HEATR5A: variants seen among roughly 807,000 people sequenced by gnomAD.
HEATR5A encodes HEAT repeat containing 5A.
HEATR5A carries 178 observed loss-of-function variants against 218.8 expected under a neutral mutation model. The observed-to-expected ratio is 0.81, with a 90% confidence interval of 0.72 to 0.92. HEATR5A has a LOEUF of 0.92. Ranked by LOEUF, HEATR5A falls within the 40% of genes least tolerant of loss-of-function variation. HEATR5A has a pLI of 0.00. For synonymous variants in HEATR5A, 864 were observed against 871.6 expected (o/e 0.99, Z 0.15); for missense variants, 2,420 against 2,418.9 (o/e 1.00, Z -0.01).
intron 34 of HEATR5A, among the ~76,000 whole-genome samples, chr14:31,294,967 C>CA (rs1379204258): frequency 5.9e-5 from 9 of 151,850 alleles, no homozygotes; most frequent in South Asian, 2.1e-4. Context: ...ACAGGACAGA[C>CA]GATAAAAGGA....
intron 1 of HEATR5A, among the ~76,000 whole-genome samples, chr14:31,408,002 C>T (rs1345153593): frequency 6.6e-6 from 1 of 152,164 alleles, no homozygotes; most frequent in Non-Finnish European, 1.5e-5. Flanking sequence ...TATGTGCTTA[C>T]CCTAAAGCCA....
chr14:31,335,509 C>T (rs577995329), intron 22 of HEATR5A, among the ~76,000 whole-genome samples: 11 of 152,034 alleles, frequency 7.2e-5, no homozygotes, highest in Admixed American at 5.2e-4. Context: ...ATTTTAATGT[C>T]CTGAGAATAA....
In HEATR5A at chr14:31,293,431, T is replaced by C. The variant is rs767607114; in HGVS notation, c.6015A>G (p.Leu2005=). 2 of 1,614,008 alleles carry C rather than the reference T, an allele frequency of 1.2e-6. No homozygotes were observed. Among genetic ancestry groups the C allele is most frequent in the Non-Finnish European group, 1.7e-6 (2 of 1,179,864 alleles). The part of the protein sequence containing the change: ...FKSLVASSPA[L]KARLEAAIKG... ...TTATAGCAGCCTCAAGGCGGGCTTT[T>C]AGGGCTGGAGAAGAAGCCACTAAAC... Residue 2005 remains leucine, a synonymous_variant, in exon 36 of 36, where the codon CTA becomes CTG. Coordinates refer to ENST00000543095, the MANE Select transcript of HEATR5A (RefSeq NM_015473.4).
At chr14:31,332,715 C>A (rs1029770304) in intron 22 of HEATR5A, among the ~76,000 whole-genome samples, 6 of 152,022 alleles carry the variant, frequency 3.9e-5, no homozygotes, top group Non-Finnish European at 5.9e-5. Context: ...AAGTTCAAAT[C>A]AGGCTCAGGC....
At chr14:31,324,890 A>G (rs1444690779) in intron 23 of HEATR5A, among the ~76,000 whole-genome samples, 1 of 152,202 alleles carries the variant, frequency 6.6e-6, no homozygotes, top group Non-Finnish European at 1.5e-5. Flanking sequence ...TGGAAGAGGG[A>G]CCAATAAGAA....
chr14:31,306,873 C>T lies in HEATR5A; in HGVS notation c.4825G>A (p.Gly1609Ser), dbSNP rs1207347201. The change falls in exon 31 of 36, where the codon GGT (glycine) becomes AGT (serine). Residue 1609 changes from glycine to serine, a missense_variant. By Grantham distance (56) the Gly-to-Ser change is moderately conservative. Transcript: ENST00000543095. ...RSKIGSDQDL[G>S]IELLNVLHRV... ...TGTAGAACATTCAGCAATTCTATAC[C>T]CAAGTCCTATCATGGAAATCATGTA... is the stretch of plus-strand genomic sequence containing the variant. 6.2e-7 allele frequency: 1 copy of T among 1,603,028 alleles called. No homozygotes were observed. Among genetic ancestry groups the T allele is most frequent in the African/African-American group, 1.3e-5 (1 of 74,630 alleles).
At chr14:31,416,670 T>C (rs577515474) in intron 1 of HEATR5A, among the ~76,000 whole-genome samples, 186 of 152,254 alleles carry the variant, frequency 1.2e-3, no homozygotes, top group African/African-American at 4.3e-3. Context: ...TTTCAATCTG[T>C]TAGGTATCTG....
intron 1 of HEATR5A, among the ~76,000 whole-genome samples, chr14:31,407,614 A>ATATATATATATATATATT (rs1413174825): frequency 1.6e-3 from 2 of 1,270 alleles, no homozygotes; most frequent in African/African-American, 2.6e-3. Context: ...ATATATATAT[A>ATATATATATATATATATT]TATATATATA....
At chr14:31,389,241 C>T (rs1326963976) in intron 6 of HEATR5A, among the ~76,000 whole-genome samples, 9 of 152,202 alleles carry the variant, frequency 5.9e-5, no homozygotes, top group African/African-American at 2.2e-4. Flanking sequence ...TGACTAAGAT[C>T]ATGACCTATT....
chr14:31,308,447 C>G (rs575768549), intron 29 of HEATR5A, among the ~76,000 whole-genome samples: 1 of 144,522 alleles, frequency 6.9e-6, no homozygotes, highest in East Asian at 2.1e-4. Context: ...GCAGAGGTTG[C>G]GGTGAGCCGA....
chr14:31,401,874 A>C (rs1323620967), intron 2 of HEATR5A, among the ~76,000 whole-genome samples: 1 of 152,212 alleles, frequency 6.6e-6, no homozygotes, highest in East Asian at 1.9e-4. Context: ...AAATGTTAAT[A>C]ACATTATTCC....
intron 11 of HEATR5A, among the ~76,000 whole-genome samples, chr14:31,375,735 T>G (rs1902202819): frequency 6.6e-6 from 1 of 152,188 alleles, no homozygotes; most frequent in Admixed American, 6.5e-5. Flanking sequence ...TGATAGCAAC[T>G]TGTTCCAGGT....
chr14:31,391,122 T>C lies in HEATR5A; in HGVS notation c.773-2117A>G, dbSNP rs1224129233. Among the ~76,000 whole-genome samples the C allele has an allele frequency of 4.6e-5, 7 of 152,180 alleles. No homozygotes were observed. In the East Asian group the frequency reaches 1.2e-3, roughly 25 times the overall value. On this transcript the variant is annotated intron_variant, in intron 6 of 35. Transcript: ENST00000543095. ...AGGATACAAGGATATAAAGAAAATA[T>C]TTTTGTAGAGCTGTACAATGTATCT... is the stretch of plus-strand genomic sequence containing the variant.
At chr14:31,409,309 A>G (rs1013651986) in intron 1 of HEATR5A, among the ~76,000 whole-genome samples, 1 of 150,824 alleles carries the variant, frequency 6.6e-6, no homozygotes, top group Non-Finnish European at 1.5e-5. Flanking sequence ...CGGCATCCCA[A>G]AGTGCTGGGA....
At chr14:31,310,883 T>G (rs1403046773) in intron 28 of HEATR5A, among the ~76,000 whole-genome samples, 1 of 152,092 alleles carries the variant, frequency 6.6e-6, no homozygotes, top group East Asian at 1.9e-4. Flanking sequence ...GCCACCATAG[T>G]GTACACCATA....
At chr14:31,309,686 A>G (rs778147006) in intron 28 of HEATR5A, among the ~76,000 whole-genome samples, 17 of 152,134 alleles carry the variant, frequency 1.1e-4, no homozygotes, top group East Asian at 1.9e-4. Flanking sequence ...CAAGATGAAC[A>G]TTAACATTTT....
chr14:31,365,333 G>T (rs1901761977), intron 13 of HEATR5A, among the ~76,000 whole-genome samples: 1 of 152,072 alleles, frequency 6.6e-6, no homozygotes, highest in Admixed American at 6.6e-5. Context: ...TTCTGGCAAT[G>T]TTGAGTCATT....
chr14:31,407,581 TA>T (rs1482464489), intron 1 of HEATR5A, among the ~76,000 whole-genome samples: 11 of 454 alleles, frequency 0.024, no homozygotes, highest in Non-Finnish European at 0.037. Flanking sequence ...TCACTTATTT[TA>T]TTTATATATA....
intron 1 of HEATR5A, among the ~76,000 whole-genome samples, chr14:31,418,920 G>A (rs979453303): frequency 1.6e-4 from 24 of 152,196 alleles, no homozygotes; most frequent in African/African-American, 5.5e-4. Context: ...ATTGGTTAAA[G>A]ACAAGTAAAA....
Sources: gnomAD v4.1 joint callset for allele counts (sites outside exome capture counted in the v4.1 genomes callset) on GRCh38, gnomAD v4.1.1 for gene constraint, MANE v1.5 for transcripts, NCBI Gene and HGNC (gene_info 2026-07-23, HGNC 2026-07-21) for gene names.